Variants in TMEM232 observed in about 807,000 individuals in gnomAD.
TMEM232 encodes the protein transmembrane protein 232.
Under a neutral mutation model 78.8 loss-of-function variants are expected in TMEM232, and 80 were observed. The ratio of observed to expected loss-of-function variants is 1.01; its 90% CI spans 0.85 to 1.22. The LOEUF is 1.22. Ranked by LOEUF, TMEM232 falls within the 50% of genes most tolerant of loss-of-function variation. The probability of loss-of-function intolerance (pLI) is 0.00; values close to 1 mark genes in which losing one functional copy is unlikely to be tolerated. For missense variants in TMEM232, 881 were observed against 742.2 expected (o/e 1.19, Z -2.17); for synonymous variants, 297 against 254.3 (o/e 1.17, Z -1.60).
chr5:110,418,931 A>G (rs1479978335), downstream of TMEM232, among the ~76,000 whole-genome samples: 1 of 152,174 alleles, frequency 6.6e-6, no homozygotes, highest in Admixed American at 6.5e-5. Context: ...ATATCTTGCT[A>G]CAAACCAATA....
intron 10 of TMEM232, among the ~76,000 whole-genome samples, chr5:110,575,633 A>C (rs924314263): frequency 2.0e-5 from 3 of 152,034 alleles, no homozygotes; most frequent in African/African-American, 7.2e-5. Flanking sequence ...GTTGAGACTA[A>C]TCAAAAAACA....
chr5:110,646,754 C>T lies in TMEM232; in HGVS notation c.126-4383G>A, dbSNP rs150820838. ...ATCAACAGAGTGAACAGGCAATCTACGAATTGATAGAAAATACTTGCAAAC... is the reference window on the plus strand; with the variant it reads ...ATCAACAGAGTGAACAGGCAATCTATGAATTGATAGAAAATACTTGCAAAC... On this transcript the variant is annotated intron_variant, in intron 2 of 13. Transcript: ENST00000455884. 6.5e-3 allele frequency among the ~76,000 whole-genome samples: 982 copies of T among 151,744 alleles called. 19 individuals are homozygous for T. Among genetic ancestry groups the T allele is most frequent in the African/African-American group, 0.022 (908 of 41,438 alleles).
intron 12 of TMEM232, among the ~76,000 whole-genome samples, chr5:110,425,224 C>A (rs187934271): frequency 1.3e-5 from 2 of 151,788 alleles, no homozygotes; most frequent in African/African-American, 4.8e-5. Context: ...CTAAGATATG[C>A]TGAAAAAAAT....
At chr5:110,722,057 G>A (rs192507584) in intron 1 of TMEM232, among the ~76,000 whole-genome samples, 2 of 152,090 alleles carry the variant, frequency 1.3e-5, no homozygotes, top group East Asian at 3.9e-4. Context: ...AACATTGTCA[G>A]GGGTTGGAGG....
intron 4 of TMEM232, among the ~76,000 whole-genome samples, chr5:110,638,636 C>T (rs1786234535): frequency 6.6e-6 from 1 of 152,070 alleles, no homozygotes; most frequent in African/African-American, 2.4e-5. Context: ...CCAATGCTTC[C>T]ACCTGGATCT....
intron 12 of TMEM232, among the ~76,000 whole-genome samples, chr5:110,469,949 G>A (rs569952891): frequency 2.6e-5 from 4 of 152,112 alleles, no homozygotes; most frequent in Non-Finnish European, 5.9e-5. Flanking sequence ...TTGCCAAAGA[G>A]TGGAGTCATT....
chr5:110,667,269 T>C lies in TMEM232; in HGVS notation c.84A>G (p.Leu28=), dbSNP rs1474216946. The change falls in exon 2 of 14, where the codon TTA becomes TTG. Residue 28 remains leucine (L), a synonymous_variant. Transcript: ENST00000455884. The stretch of plus-strand genomic sequence containing the variant: ...TTTCTCCACTTAAATGTTGAAAATT[T>C]AATTTCCAGAGCTCTTCATGATAAG... ...SSPYHEELWK[L]NFQHLSGERG... The C allele has an allele frequency of 3.2e-6, 5 of 1,547,310 alleles. No individual in the cohort carries two copies. Among genetic ancestry groups the C allele is most frequent in the Admixed American group, 2.0e-5 (1 of 50,612 alleles).
At chr5:110,410,960 A>C (rs565087497) in intron 2 of TMEM232, among the ~76,000 whole-genome samples, 1 of 152,272 alleles carries the variant, frequency 6.6e-6, no homozygotes, top group African/African-American at 2.4e-5. Context: ...CATTATGTTA[A>C]GAATCCTTTC....
intron 11 of TMEM232, among the ~76,000 whole-genome samples, chr5:110,536,179 C>G (rs1772325533): frequency 6.6e-6 from 1 of 152,276 alleles, no homozygotes; most frequent in Admixed American, 6.5e-5. Context: ...ACAGAGGCAA[C>G]TGCAGGTTTC....
chr5:110,603,877 G>T (rs1463496074), intron 10 of TMEM232, among the ~76,000 whole-genome samples: 1 of 152,100 alleles, frequency 6.6e-6, no homozygotes, highest in African/African-American at 2.4e-5. Flanking sequence ...TTTTGAGAAT[G>T]AAATGTGTAT....
At chr5:110,562,391 G>A (rs986536660) in intron 11 of TMEM232, among the ~76,000 whole-genome samples, 1 of 152,000 alleles carries the variant, frequency 6.6e-6, no homozygotes, top group Non-Finnish European at 1.5e-5. Flanking sequence ...TTTCTTATCT[G>A]CAAGATGCTC....
intron 8 of TMEM232, among the ~76,000 whole-genome samples, chr5:110,615,943 G>A (rs1782871606): frequency 6.6e-6 from 1 of 151,892 alleles, no homozygotes; most frequent in Non-Finnish European, 1.5e-5. Flanking sequence ...TAAGTGGGAA[G>A]ATATTCCATG....
At chr5:110,683,877 G>T (rs1397604517) in intron 1 of TMEM232, among the ~76,000 whole-genome samples, 4 of 151,940 alleles carry the variant, frequency 2.6e-5, no homozygotes, top group Admixed American at 6.6e-5. Flanking sequence ...AGTCTCAGAA[G>T]AGCAAGGATG....
chr5:110,610,048 T>A (rs1005057439), intron 8 of TMEM232, among the ~76,000 whole-genome samples: 1 of 151,758 alleles, frequency 6.6e-6, no homozygotes, highest in Non-Finnish European at 1.5e-5. Flanking sequence ...TAGAGTAAGG[T>A]AGGAGATTGC....
At chr5:110,694,893 A>C (rs1011818127) in intron 1 of TMEM232, among the ~76,000 whole-genome samples, 32 of 152,164 alleles carry the variant, frequency 2.1e-4, no homozygotes, top group South Asian at 2.1e-4. Flanking sequence ...GACAGATCAA[A>C]GAGACAGAAA....
At chr5:110,723,036 A>G (rs1460267702) in intron 1 of TMEM232, among the ~76,000 whole-genome samples, 2 of 152,136 alleles carry the variant, frequency 1.3e-5, no homozygotes, top group African/African-American at 4.8e-5. Flanking sequence ...ATGAGTTAGG[A>G]AGTATTTCCT....
intron 10 of TMEM232, among the ~76,000 whole-genome samples, chr5:110,590,349 T>G (rs759181861): frequency 7.2e-5 from 11 of 152,206 alleles, no homozygotes; most frequent in Non-Finnish European, 1.0e-4. Flanking sequence ...CTGTTAGGAA[T>G]TGGGCCATAC....
At chr5:110,685,294 A>G (rs188440146) in intron 1 of TMEM232, among the ~76,000 whole-genome samples, 1 of 152,270 alleles carries the variant, frequency 6.6e-6, no homozygotes, top group African/African-American at 2.4e-5. Context: ...AACATTACAA[A>G]TGGGAAAAAT....
chr5:110,610,840 CTT>C (rs1248155470), intron 8 of TMEM232, among the ~76,000 whole-genome samples: 1 of 152,082 alleles, frequency 6.6e-6, no homozygotes, highest in African/African-American at 2.4e-5. Context: ...GTACATCATA[CTT>C]TTTAGAGAAA....
Sources: allele counts gnomAD v4.1 joint callset (sites outside exome capture counted in the v4.1 genomes callset), GRCh38; gene constraint gnomAD v4.1.1; transcripts MANE v1.5; gene names NCBI Gene and HGNC (gene_info 2026-07-23, HGNC 2026-07-21).